Variants in AGMO observed in about 807,000 individuals in gnomAD.
AGMO encodes the protein alkylglycerol monooxygenase.
In AGMO, 75 loss-of-function variants were observed where a neutral mutation model predicts 60.2. The ratio of observed to expected loss-of-function variants is 1.25; its 90% CI spans 1.03 to 1.51. The LOEUF is 1.51. Among genes scored for constraint, AGMO ranks in the 40% most tolerant of loss-of-function variants. The probability of loss-of-function intolerance (pLI) is 0.00; values close to 1 mark genes in which losing one functional copy is unlikely to be tolerated. For missense variants in AGMO, 763 were observed against 525.5 expected, an observed-to-expected ratio of 1.45 and a Z score of -4.42; for synonymous variants, 261 against 177.1, an observed-to-expected ratio of 1.47 and a Z score of -3.76.
chr7:15,351,855 G>A (rs1031256549), intron 12 of AGMO, among the ~76,000 whole-genome samples: 3 of 152,080 alleles, frequency 2.0e-5, no homozygotes, highest in Non-Finnish European at 4.4e-5. Context: ...CATTGAGAAA[G>A]TGTTAAAATA....
intron 12 of AGMO, among the ~76,000 whole-genome samples, chr7:15,278,451 C>T (rs1432193300): frequency 6.6e-6 from 1 of 151,966 alleles, no homozygotes; most frequent in South Asian, 2.1e-4. Context: ...TGGGACTGGG[C>T]CAGTGAACTA....
chr7:15,320,776 C>T (rs1781084912), intron 12 of AGMO, among the ~76,000 whole-genome samples: 1 of 152,064 alleles, frequency 6.6e-6, no homozygotes, highest in African/African-American at 2.4e-5. Context: ...AAAGTATCTA[C>T]AAATTAGGGA....
At position 15,322,503 on chromosome 7, in the gene AGMO, TAAATATATATATAA is replaced by T. The variant is rs1563086093; in HGVS notation, c.1263+42997_1263+43010del. On this transcript the variant is annotated intron_variant, in intron 12 of 12. Coordinates refer to ENST00000342526, the MANE Select transcript of AGMO (RefSeq NM_001004320.2). Reference sequence around the variant, plus strand: ...ATATATATAAATATATATAAATATATAAATATATATATAAATATATATAAATATATAAATATATA... The same window carrying T: ...ATATATATAAATATATATAAATATATATATATATAAATATATAAATATATA... Among the ~76,000 whole-genome samples, 70 of 83,606 alleles carry T rather than the reference TAAATATATATATAA, an allele frequency of 8.4e-4. 2 individuals carry two copies. The highest frequency in any genetic ancestry group is 1.4e-3 in the East Asian group (5 of 3,526). 54.8% of individuals were successfully genotyped at this position (83,606 alleles called of 152,430 possible).
At chr7:15,531,211 A>G (rs1271640720) in intron 3 of AGMO, among the ~76,000 whole-genome samples, 13 of 93,402 alleles carry the variant, frequency 1.4e-4, no homozygotes, top group Admixed American at 6.7e-4. Flanking sequence ...TATATTCTAT[A>G]TATTCTATAT....
the AGMO span, among the ~76,000 whole-genome samples, chr7:15,170,867 C>T: frequency 7.9e-5 from 12 of 152,164 alleles, no homozygotes; most frequent in Admixed American, 7.2e-4. Flanking sequence ...TTTTGAAGAT[C>T]GTGATGGTTT....
chr7:15,470,578 T>C (rs776307362), intron 3 of AGMO, among the ~76,000 whole-genome samples: 7 of 151,982 alleles, frequency 4.6e-5, no homozygotes, highest in Non-Finnish European at 8.8e-5. Context: ...GAAAATCCAG[T>C]ATTGACTTAT....
intron 6 of AGMO, among the ~76,000 whole-genome samples, chr7:15,392,007 T>C (rs1034794782): frequency 2.0e-5 from 3 of 152,184 alleles, no homozygotes; most frequent in Non-Finnish European, 4.4e-5. Context: ...TCAGAGGAAG[T>C]AGCAACTGTT....
chr7:15,275,006 T>C (rs942807705), intron 12 of AGMO, among the ~76,000 whole-genome samples: 1 of 152,046 alleles, frequency 6.6e-6, no homozygotes, highest in Admixed American at 6.6e-5. Flanking sequence ...CTTTTCATTT[T>C]GTTGATCTTT....
At chr7:15,513,618 G>A (rs1429296465) in intron 3 of AGMO, among the ~76,000 whole-genome samples, 1 of 152,058 alleles carries the variant, frequency 6.6e-6, no homozygotes, top group Admixed American at 6.5e-5. Context: ...CTTGCCAGTG[G>A]CCACACAATA....
At chr7:15,392,689 C>T (rs1035388871) in intron 6 of AGMO, among the ~76,000 whole-genome samples, 3 of 152,012 alleles carry the variant, frequency 2.0e-5, no homozygotes, top group Admixed American at 2.0e-4. Flanking sequence ...ATCCAAGTTA[C>T]TTGGGAGGCT....
At chr7:15,429,828 G>A (rs1439274726) in intron 4 of AGMO, among the ~76,000 whole-genome samples, 1 of 151,978 alleles carries the variant, frequency 6.6e-6, no homozygotes, top group Non-Finnish European at 1.5e-5. Flanking sequence ...TACTAGCTGT[G>A]TAATTAACCT....
At chr7:15,283,686 C>T (rs974501981) in intron 12 of AGMO, among the ~76,000 whole-genome samples, 1 of 151,880 alleles carries the variant, frequency 6.6e-6, no homozygotes, top group Non-Finnish European at 1.5e-5. Flanking sequence ...GACAGAAAGT[C>T]AACAAAGAAA....
intron 12 of AGMO, among the ~76,000 whole-genome samples, chr7:15,312,157 T>C (rs1780785222): frequency 6.6e-6 from 1 of 151,908 alleles, no homozygotes; most frequent in African/African-American, 2.4e-5. Flanking sequence ...AACATGTAAT[T>C]AGAGTTCCAA....
At chr7:15,220,708 A>AC (rs1231585701) in intron 12 of AGMO, among the ~76,000 whole-genome samples, 2 of 152,002 alleles carry the variant, frequency 1.3e-5, no homozygotes, top group Non-Finnish European at 1.5e-5. Flanking sequence ...TTATTTCAAA[A>AC]CCATTTAAAT....
At chr7:15,265,452 A>G (rs1783403855) in intron 12 of AGMO, among the ~76,000 whole-genome samples, 1 of 152,080 alleles carries the variant, frequency 6.6e-6, no homozygotes, top group South Asian at 2.1e-4. Context: ...CTATTAAAAA[A>G]GAAAAAAGAA....
At chr7:15,194,254 A>G in the AGMO span, among the ~76,000 whole-genome samples, 1 of 152,204 alleles carries the variant, frequency 6.6e-6, no homozygotes, top group African/African-American at 2.4e-5. Flanking sequence ...TGGCAGTGAG[A>G]TGAAACTGGT....
chr7:15,450,546 T>A lies in AGMO; in HGVS notation c.410-19438A>T, dbSNP rs372717577. The stretch of plus-strand genomic sequence containing the variant: ...ACCACAAATATTTGTTGAAATACTT[T>A]TATGTAGAAAGAAAGGACCAAGACT... On this transcript the variant is annotated intron_variant, in intron 3 of 12. Coordinates refer to ENST00000342526, the MANE Select transcript of AGMO (RefSeq NM_001004320.2). Among the ~76,000 whole-genome samples, 5 of 152,284 alleles carry A rather than the reference T, an allele frequency of 3.3e-5. No individual in the cohort carries two copies. The East Asian group carries it at 9.6e-4, about 29-fold the overall frequency.
chr7:15,557,011 C>T (rs1206879888), intron 2 of AGMO, among the ~76,000 whole-genome samples: 1 of 151,850 alleles, frequency 6.6e-6, no homozygotes, highest in Admixed American at 6.6e-5. Context: ...ATAATATTGT[C>T]CATCGTTAAT....
intron 12 of AGMO, among the ~76,000 whole-genome samples, chr7:15,326,181 G>C (rs1289269289): frequency 6.6e-6 from 1 of 151,996 alleles, no homozygotes; most frequent in Non-Finnish European, 1.5e-5. Flanking sequence ...GAATTAAAGG[G>C]GGGGTTAAGG....
Sources: gnomAD v4.1 joint callset for allele counts (sites outside exome capture counted in the v4.1 genomes callset) on GRCh38, gnomAD v4.1.1 for gene constraint, MANE v1.5 for transcripts, NCBI Gene and HGNC (gene_info 2026-07-23, HGNC 2026-07-21) for gene names.